Variants in C7orf57 observed in about 807,000 individuals in gnomAD.
C7orf57 encodes the protein chromosome 7 open reading frame 57.
C7orf57 carries 33 observed loss-of-function variants against 39.0 expected under a neutral mutation model. That is an observed-to-expected ratio of 0.85 (90% CI 0.64 to 1.13). The LOEUF is 1.13. C7orf57 is among the 50% of genes most tolerant of loss of function. C7orf57 has a pLI of 0.00. For synonymous variants in C7orf57, 124 were observed against 137.1 expected, an observed-to-expected ratio of 0.90 and a Z score of 0.67; for missense variants, 346 against 362.3, an observed-to-expected ratio of 0.95 and a Z score of 0.37.
chr7:48,055,038 A>G (rs1407648115), intron 8 of C7orf57, among the ~76,000 whole-genome samples: 1 of 152,100 alleles, frequency 6.6e-6, no homozygotes, highest in East Asian at 1.9e-4. Context: ...CACAACGCCC[A>G]GCTAATTTTT....
chr7:48,051,245 G>A (rs544485290), intron 6 of C7orf57, among the ~76,000 whole-genome samples: 16 of 151,098 alleles, frequency 1.1e-4, no homozygotes, highest in South Asian at 4.2e-4. Flanking sequence ...GCAGCGGTAC[G>A]AACTCAGCTC....
At chr7:48,045,259 C>T (rs1790679666) in intron 4 of C7orf57, among the ~76,000 whole-genome samples, 1 of 150,484 alleles carries the variant, frequency 6.6e-6, no homozygotes, top group African/African-American at 2.4e-5. Context: ...GGAGCTATAA[C>T]TTAACATGCT....
At chr7:48,046,731 G>C (rs1790729934) in intron 5 of C7orf57, 115 bp downstream of exon 5, 2 of 1,121,156 alleles carry the variant, frequency 1.8e-6, no homozygotes, top group Admixed American at 5.3e-5. Flanking sequence ...CGTGGCATCG[G>C]CCACGTGCTC....
intron 6 of C7orf57, among the ~76,000 whole-genome samples, chr7:48,051,817 C>CTCTTTCTCTTTCTTTCTT (rs1790924946): frequency 2.0e-5 from 1 of 51,150 alleles, no homozygotes; most frequent in Non-Finnish European, 4.1e-5. Context: ...CTTTTCTCTT[C>CTCTTTCTCTTTCTTTCTT]TCTTTCTTTC....
At chr7:48,058,745 G>C (rs2686795) in intron 8 of C7orf57, among the ~76,000 whole-genome samples, 63,037 of 152,000 alleles carry the variant, frequency 0.41, 14,130 homozygotes, top group Non-Finnish European at 0.49. Context: ...AGGTACAGAA[G>C]ATCACCTTCA....
At position 48,043,533 on chromosome 7, in the gene C7orf57, C is replaced by T. The variant is rs914769200; in HGVS notation, c.294C>T (p.Tyr98=). The part of the protein sequence containing the change: ...PGTRKGSPVA[Y]SLPDWYIHHS... Reference sequence around the variant, plus strand: ...CCAGGAAAGGCTCTCCAGTGGCCTACTCCCTGCCAGACTGGTATATCCACC... The same window carrying T: ...CCAGGAAAGGCTCTCCAGTGGCCTATTCCCTGCCAGACTGGTATATCCACC... Residue 98 remains tyrosine, a synonymous_variant, in exon 4 of 9, where the codon TAC becomes TAT. Transcript: ENST00000348904. 1 of 1,613,970 alleles carries T rather than the reference C, an allele frequency of 6.2e-7. No homozygotes were observed. The highest frequency in any genetic ancestry group is 8.5e-7 in the Non-Finnish European group (1 of 1,179,872).
chr7:48,038,766 T>C (rs1238529041), intron 2 of C7orf57, among the ~76,000 whole-genome samples: 5 of 152,084 alleles, frequency 3.3e-5, no homozygotes, highest in Admixed American at 1.3e-4. Context: ...TTTATACATT[T>C]TGGGGGGACA....
intron 4 of C7orf57, 129 bp from the exon 5 acceptor site, chr7:48,046,331 G>A: frequency 5.1e-6 from 4 of 776,908 alleles, no homozygotes; most frequent in East Asian, 2.8e-5. Context: ...AGGAAAGGAG[G>A]GAGACAGTGA....
Position 48,054,867 on chromosome 7 carries a change from G to GATT in C7orf57, c.841+280_841+282dup, listed in dbSNP as rs869049817. ...TGAAGATGATGATGATGATGATGAT[G>GATT]ATTATTATTATTATTATTATTTTTT... is the stretch of plus-strand genomic sequence containing the variant. On this transcript the variant is annotated intron_variant, in intron 8 of 8. Transcript: ENST00000348904. Among the ~76,000 whole-genome samples, 6 of 150,122 alleles carry GATT rather than the reference G, an allele frequency of 4.0e-5. No homozygotes were observed. In the East Asian group the frequency reaches 5.9e-4, roughly 15 times the overall value.
chr7:48,038,238 C>A (rs934583761), intron 2 of C7orf57, among the ~76,000 whole-genome samples: 11 of 152,124 alleles, frequency 7.2e-5, no homozygotes, highest in African/African-American at 2.4e-4. Context: ...AAGCTTTTAG[C>A]TTTAAAGGAT....
At chr7:48,037,802 A>T (rs11762077) in intron 2 of C7orf57, among the ~76,000 whole-genome samples, 70,503 of 151,218 alleles carry the variant, frequency 0.47, 17,090 homozygotes, top group African/African-American at 0.61. Flanking sequence ...GTGGTCACAA[A>T]TGGTTCTTAC....
In C7orf57 at chr7:48,041,361, G is replaced by A. The variant is rs200433005; in HGVS notation, c.83G>A (p.Arg28His). 47 of 1,613,770 alleles carry A rather than the reference G, an allele frequency of 2.9e-5. No individual in the cohort carries two copies. Among genetic ancestry groups the A allele is most frequent in the South Asian group, 1.8e-4 (16 of 91,040 alleles). ...CDWYYHVPVK[R>H]SEKAVDAPPA... ...TGGTATTACCACGTCCCAGTGAAGC[G>A]CTCTGAGAAGGCCGTGGATGCCCCA... The change falls in exon 3 of 9, where the codon CGC becomes CAC. Residue 28 changes from arginine to histidine, a missense_variant. Transcript: ENST00000348904.
In C7orf57 at chr7:48,051,840, TTTC is replaced by T. The variant is rs1562630168; in HGVS notation, c.606-857_606-855del. On this transcript the variant is annotated intron_variant, in intron 6 of 8. Transcript: ENST00000348904. ...TTCTCTTTCTTTCTTTCTTTCTTTC[TTTC>T]TTTCTTTCTTTCTTTCTTTCTTTCT... 9.5e-3 allele frequency among the ~76,000 whole-genome samples: 746 copies of T among 78,168 alleles called. 13 individuals are homozygous for T. The highest frequency in any genetic ancestry group is 0.019 in the South Asian group (43 of 2,278). 51.3% of individuals were successfully genotyped at this position (78,168 alleles called of 152,430 possible).
intron 7 of C7orf57, 151 bp from the exon 8 acceptor site, chr7:48,054,444 C>A: frequency 1.9e-6 from 1 of 513,038 alleles, no homozygotes; most frequent in Non-Finnish European, 3.3e-6. Context: ...GGTTTGTTGC[C>A]CTATTGAACT....
At chr7:48,040,902 T>C (rs1220746670) in intron 2 of C7orf57, among the ~76,000 whole-genome samples, 1 of 152,260 alleles carries the variant, frequency 6.6e-6, no homozygotes, top group Non-Finnish European at 1.5e-5. Flanking sequence ...CATTTAGTCA[T>C]GTATTCCACA....
chr7:48,037,462 G>A (rs1234681880), intron 2 of C7orf57, among the ~76,000 whole-genome samples: 1 of 152,192 alleles, frequency 6.6e-6, no homozygotes, highest in Non-Finnish European at 1.5e-5. Context: ...GGCCACAGCA[G>A]CCTAAAGCAG....
chr7:48,050,786 C>G (rs1339450081), intron 6 of C7orf57, among the ~76,000 whole-genome samples: 1 of 152,188 alleles, frequency 6.6e-6, no homozygotes, highest in Non-Finnish European at 1.5e-5. Context: ...CCTCCCACCT[C>G]AGCCTCCCAA....
intron 4 of C7orf57, among the ~76,000 whole-genome samples, chr7:48,044,801 A>C (rs1035608614): frequency 6.6e-6 from 1 of 152,220 alleles, no homozygotes; most frequent in Non-Finnish European, 1.5e-5. Context: ...ATGTCTAAGA[A>C]ATTTCTATTT....
intron 6 of C7orf57, among the ~76,000 whole-genome samples, chr7:48,051,938 CTCT>C (rs1484190733): frequency 8.4e-6 from 1 of 119,686 alleles, no homozygotes. Context: ...TCTTTCTCTC[CTCT>C]TTTTTTCTTT....
Sources: allele counts gnomAD v4.1 joint callset (sites outside exome capture counted in the v4.1 genomes callset), GRCh38; gene constraint gnomAD v4.1.1; transcripts MANE v1.5; gene names NCBI Gene and HGNC (gene_info 2026-07-23, HGNC 2026-07-21).